RGL1: variants seen among roughly 807,000 people sequenced by gnomAD.
The protein encoded by RGL1 is ral guanine nucleotide dissociation stimulator-like 1.
Under a neutral mutation model 95.2 loss-of-function variants are expected in RGL1, and 24 were observed. The observed-to-expected ratio is 0.25, with a 90% CI of 0.18 to 0.35. The LOEUF is 0.35. Ranked by LOEUF, RGL1 falls within the 10% of genes least tolerant of loss-of-function variation. RGL1 has a pLI of 1.00. For synonymous variants in RGL1, 329 were observed against 344.9 expected (o/e 0.95, Z 0.51); for missense variants, 715 against 936.3 (o/e 0.76, Z 3.08).
At chr1:183,832,215 G>A (rs1250736697) in intron 2 of RGL1, among the ~76,000 whole-genome samples, 3 of 152,204 alleles carry the variant, frequency 2.0e-5, no homozygotes, top group African/African-American at 7.2e-5. Context: ...CGATATAGGA[G>A]ATGGAAGAGG....
At chr1:183,662,287 G>A (rs1651694506) in intron 1 of RGL1, among the ~76,000 whole-genome samples, 1 of 150,922 alleles carries the variant, frequency 6.6e-6, no homozygotes, top group Non-Finnish European at 1.5e-5. Context: ...GTTTGCAGAT[G>A]ACATGATTGT....
At position 183,850,971 on chromosome 1, in the gene RGL1, G is replaced by A. The variant is rs1664792145; in HGVS notation, c.347+3197G>A. ...TTCCAGCTGTTCATCCTAAATAGAG[G>A]ACATATACACACAGGAACTGGAGTG... On this transcript the variant is annotated intron_variant, in intron 3 of 17. Coordinates refer to ENST00000360851, the MANE Select transcript of RGL1 (RefSeq NM_001297671.3). Among the ~76,000 whole-genome samples, 3 of 152,098 alleles carry A rather than the reference G, an allele frequency of 2.0e-5. No homozygotes were observed. In the South Asian group the frequency reaches 6.2e-4, roughly 32 times the overall value.
intron 2 of RGL1, among the ~76,000 whole-genome samples, chr1:183,832,224 G>A (rs972089701): frequency 6.6e-6 from 1 of 152,162 alleles, no homozygotes; most frequent in Non-Finnish European, 1.5e-5. Flanking sequence ...AGATGGAAGA[G>A]GTTGGATTTT....
chr1:183,733,136 A>G (rs1415680962), intron 1 of RGL1, among the ~76,000 whole-genome samples: 1 of 152,044 alleles, frequency 6.6e-6, no homozygotes, highest in African/African-American at 2.4e-5. Context: ...ATTTTTTTTT[A>G]ATGTTGGAGT....
chr1:183,675,427 A>G (rs1194817448), intron 1 of RGL1, among the ~76,000 whole-genome samples: 2 of 94,512 alleles, frequency 2.1e-5, no homozygotes, highest in Non-Finnish European at 3.8e-5. Context: ...CTCTTTTGGT[A>G]TCTTGGAACA....
At chr1:183,892,761 T>TTACCATC (rs1241306167) in intron 9 of RGL1, among the ~76,000 whole-genome samples, 1 of 152,228 alleles carries the variant, frequency 6.6e-6, no homozygotes, top group Non-Finnish European at 1.5e-5. Flanking sequence ...TTCCTGGAGT[T>TTACCATC]TACCATCTAA....
chr1:183,868,445 G>A (rs967206994), intron 4 of RGL1, among the ~76,000 whole-genome samples: 1 of 152,248 alleles, frequency 6.6e-6, no homozygotes, highest in African/African-American at 2.4e-5. Context: ...AAGTGTGACC[G>A]TGGACCTATA....
intron 1 of RGL1, among the ~76,000 whole-genome samples, chr1:183,714,138 C>G (rs916962465): frequency 2.0e-5 from 3 of 152,158 alleles, no homozygotes; most frequent in African/African-American, 7.2e-5. Flanking sequence ...TTTGAATGAA[C>G]ACATGTCATG....
At chr1:183,791,658 T>C (rs1660446626) in intron 2 of RGL1, among the ~76,000 whole-genome samples, 1 of 152,256 alleles carries the variant, frequency 6.6e-6, no homozygotes, top group African/African-American at 2.4e-5. Context: ...TCTATGTTTT[T>C]AAACAGGGAA....
intron 1 of RGL1, among the ~76,000 whole-genome samples, chr1:183,728,185 G>A (rs985509888): frequency 3.3e-5 from 5 of 152,256 alleles, no homozygotes; most frequent in Non-Finnish European, 4.4e-5. Flanking sequence ...GAACTGGAAC[G>A]TATATCATCA....
chr1:183,654,076 T>C (rs1286581893), intron 1 of RGL1, among the ~76,000 whole-genome samples: 1 of 152,220 alleles, frequency 6.6e-6, no homozygotes, highest in African/African-American at 2.4e-5. Flanking sequence ...TCAGGGATAC[T>C]GAGCACCCAG....
At chr1:183,836,536 G>A (rs1007657688) in intron 2 of RGL1, among the ~76,000 whole-genome samples, 5 of 152,020 alleles carry the variant, frequency 3.3e-5, no homozygotes, top group South Asian at 2.1e-4. Flanking sequence ...TCCAAAGTGC[G>A]GGAATACAGG....
Position 183,816,241 on chromosome 1 carries a change from A to G in RGL1, c.138+9756A>G, listed in dbSNP as rs552357929. 1.1e-3 allele frequency among the ~76,000 whole-genome samples: 175 copies of G among 152,288 alleles called. 1 individual carries two copies. The highest frequency in any genetic ancestry group is 4.0e-3 in the African/African-American group (165 of 41,570). On this transcript the variant is annotated intron_variant, in intron 2 of 17. Coordinates refer to ENST00000360851, the MANE Select transcript of RGL1 (RefSeq NM_001297671.3). ...ATATTTTATTACTTAACAGTGGGCC[A>G]TATTCTGTCTTCTGTTTTGCCATTT... is the stretch of plus-strand genomic sequence containing the variant.
intron 6 of RGL1, among the ~76,000 whole-genome samples, chr1:183,884,177 C>T (rs1666988931): frequency 6.6e-6 from 1 of 152,228 alleles, no homozygotes. Context: ...CCCTGTGAAA[C>T]AAAATCTGCC....
At chr1:183,716,258 A>G (rs1025136498) in intron 1 of RGL1, among the ~76,000 whole-genome samples, 7 of 152,356 alleles carry the variant, frequency 4.6e-5, no homozygotes, top group Admixed American at 1.3e-4. Context: ...GTGATATGCT[A>G]TTAAAAATAT....
chr1:183,756,673 T>C (rs1658357547), intron 2 of RGL1, among the ~76,000 whole-genome samples: 1 of 152,186 alleles, frequency 6.6e-6, no homozygotes. Context: ...TAGTGATTAT[T>C]TGGGGTTGTT....
At chr1:183,722,529 T>C (rs536497060) in intron 1 of RGL1, among the ~76,000 whole-genome samples, 2 of 152,158 alleles carry the variant, frequency 1.3e-5, no homozygotes, top group Non-Finnish European at 1.5e-5. Context: ...CACCAAGAAC[T>C]TCATTATCAA....
intron 1 of RGL1, chr1:183,648,724 A>T: frequency 6.2e-7 from 1 of 1,614,026 alleles, no homozygotes; most frequent in South Asian, 1.1e-5. Context: ...CTTAGCCAGT[A>T]ATATGGTTTT....
intron 4 of RGL1, among the ~76,000 whole-genome samples, chr1:183,867,151 A>T (rs1471884323): frequency 6.6e-6 from 1 of 152,218 alleles, no homozygotes; most frequent in Non-Finnish European, 1.5e-5. Context: ...GAATGGAGGT[A>T]TAAATTTGGA....
Sources: allele counts gnomAD v4.1 joint callset (sites outside exome capture counted in the v4.1 genomes callset), GRCh38; gene constraint gnomAD v4.1.1; transcripts MANE v1.5; gene names NCBI Gene and HGNC (gene_info 2026-07-23, HGNC 2026-07-21).